The following EPHA6 variants were observed in gnomAD, a reference collection of about 807,000 sequenced individuals.
EPHA6 encodes the protein EPH receptor A6, also known as ephrin type-A receptor 6.
Under a neutral mutation model 112.0 loss-of-function variants are expected in EPHA6, and 50 were observed. That is an observed-to-expected ratio of 0.45 (90% CI 0.36 to 0.56). The LOEUF (loss-of-function observed/expected upper bound fraction) is 0.56. Ranked by LOEUF, EPHA6 falls within the 20% of genes least tolerant of loss-of-function variation. The probability of loss-of-function intolerance (pLI) is 0.00; values close to 1 mark genes in which losing one functional copy is unlikely to be tolerated. For missense variants in EPHA6, 1,280 were observed against 1,417.4 expected (o/e 0.90, Z 1.56); for synonymous variants, 529 against 490.7 (o/e 1.08, Z -1.03).
chr3:96,936,773 C>A (rs1197169232), intron 2 of EPHA6, among the ~76,000 whole-genome samples: 1 of 152,118 alleles, frequency 6.6e-6, no homozygotes, highest in Non-Finnish European at 1.5e-5. Flanking sequence ...TCCGACCCCA[C>A]AACAGTCCCT....
Position 97,750,841 on chromosome 3 carries a change from G to A in EPHA6, c.*2140G>A, listed in dbSNP as rs557597502. 2.4e-4 allele frequency among the ~76,000 whole-genome samples: 37 copies of A among 152,258 alleles called. No homozygotes were observed. The highest frequency in any genetic ancestry group is 8.9e-4 in the African/African-American group (37 of 41,566). On this transcript the variant is annotated 3_prime_UTR_variant, in exon 18 of 18. Coordinates refer to ENST00000389672, the MANE Select transcript of EPHA6 (RefSeq NM_001080448.3). ...ATGTTTCTTAAAATATACAAAAAAAGGTAGGGGGTGATGGGAAAATCATCA... is the reference window on the plus strand; with the variant it reads ...ATGTTTCTTAAAATATACAAAAAAAAGTAGGGGGTGATGGGAAAATCATCA...
Position 97,545,082 on chromosome 3 carries a change from T to C in EPHA6, c.2386+12539T>C, listed in dbSNP as rs576222813. ...TATTTCTTTCAGTTCTGCTCTGATC[T>C]TAGTTATTTCTTGCCTTCTGCTAGC... On this transcript the variant is annotated intron_variant, in intron 11 of 17. Transcript: ENST00000389672. Among the ~76,000 whole-genome samples the C allele has an allele frequency of 2.6e-5, 4 of 152,326 alleles. No homozygotes were observed. In the East Asian group the frequency reaches 7.7e-4, roughly 29 times the overall value.
chr3:96,891,910 T>G (rs534804725), intron 2 of EPHA6, among the ~76,000 whole-genome samples: 1 of 152,280 alleles, frequency 6.6e-6, no homozygotes, highest in Non-Finnish European at 1.5e-5. Context: ...ATTTTTCTCA[T>G]CCATAAACAC....
chr3:97,750,432 C>T lies in EPHA6; in HGVS notation c.*1731C>T, dbSNP rs1351440192. Among the ~76,000 whole-genome samples the T allele has an allele frequency of 6.6e-6, 1 of 151,930 alleles. No individual in the cohort carries two copies. The highest frequency in any genetic ancestry group is 2.4e-5 in the African/African-American group (1 of 41,366). On this transcript the variant is annotated 3_prime_UTR_variant, in exon 18 of 18. Transcript: ENST00000389672. ...AGTGCAATGGTGAGATCTTGGCTCACGGCAACCTCTGCCTCCCGGGTTCAA... is the reference window on the plus strand; with the variant it reads ...AGTGCAATGGTGAGATCTTGGCTCATGGCAACCTCTGCCTCCCGGGTTCAA...
intron 3 of EPHA6, among the ~76,000 whole-genome samples, chr3:97,208,805 T>C (rs566324640): frequency 6.6e-6 from 1 of 152,218 alleles, no homozygotes; most frequent in African/African-American, 2.4e-5. Flanking sequence ...AACATCCATC[T>C]ACTTTTCAAC....
At chr3:97,128,455 T>TA (rs2048242542) in intron 3 of EPHA6, among the ~76,000 whole-genome samples, 2 of 152,180 alleles carry the variant, frequency 1.3e-5, no homozygotes, top group Non-Finnish European at 2.9e-5. Flanking sequence ...TAATACTTGA[T>TA]ATCTAGCTTT....
chr3:97,287,413 C>G lies in EPHA6; in HGVS notation c.1606+43126C>G, dbSNP rs534974472. On this transcript the variant is annotated intron_variant, in intron 5 of 17. Coordinates refer to ENST00000389672, the MANE Select transcript of EPHA6 (RefSeq NM_001080448.3). ...CTGGGAGGCGGAGCTTGCAGTGAGC[C>G]GAGATGGCGCCACTGCACTCCAGCG... is the stretch of plus-strand genomic sequence containing the variant. Among the ~76,000 whole-genome samples, 199 of 151,502 alleles carry G rather than the reference C, an allele frequency of 1.3e-3. 1 individual carries two copies. Among genetic ancestry groups the G allele is most frequent in the African/African-American group, 4.5e-3 (184 of 41,316 alleles).
chr3:97,514,420 A>C (rs6771693), intron 10 of EPHA6, among the ~76,000 whole-genome samples: 94 of 152,248 alleles, frequency 6.2e-4, no homozygotes, highest in African/African-American at 2.1e-3. Flanking sequence ...GATAATCTTC[A>C]TATTTCAGGA....
At chr3:97,248,277 C>G (rs978752862) in intron 5 of EPHA6, among the ~76,000 whole-genome samples, 139 of 152,132 alleles carry the variant, frequency 9.1e-4, no homozygotes, top group African/African-American at 3.1e-3. Flanking sequence ...ATATTTGCAA[C>G]CTTCTGTTTT....
intron 5 of EPHA6, among the ~76,000 whole-genome samples, chr3:97,349,236 G>T (rs1159310696): frequency 6.6e-6 from 1 of 151,848 alleles, no homozygotes; most frequent in Non-Finnish European, 1.5e-5. Context: ...ATTACCTTTA[G>T]TCTTATTTTT....
At chr3:96,982,566 T>G (rs915299483) in intron 2 of EPHA6, among the ~76,000 whole-genome samples, 3 of 152,236 alleles carry the variant, frequency 2.0e-5, no homozygotes, top group African/African-American at 7.2e-5. Context: ...AGATGTCTAT[T>G]AGGTCCGCTT....
intron 16 of EPHA6, among the ~76,000 whole-genome samples, chr3:97,743,307 TATA>T (rs2035584878): frequency 6.6e-6 from 1 of 152,156 alleles, no homozygotes; most frequent in Non-Finnish European, 1.5e-5. Flanking sequence ...AATGAACTCC[TATA>T]ATGTTTTCAG....
chr3:97,165,556 C>T (rs2076522252), intron 3 of EPHA6, among the ~76,000 whole-genome samples: 1 of 152,014 alleles, frequency 6.6e-6, no homozygotes, highest in South Asian at 2.1e-4. Flanking sequence ...AATGTCTGAG[C>T]CTGGTAAAGA....
At chr3:97,204,510 G>A (rs1377113195) in intron 3 of EPHA6, among the ~76,000 whole-genome samples, 1 of 152,072 alleles carries the variant, frequency 6.6e-6, no homozygotes, top group Non-Finnish European at 1.5e-5. Context: ...GTAAGTGGAT[G>A]GGCCAAGATT....
At chr3:97,320,510 G>A (rs1285996441) in intron 5 of EPHA6, among the ~76,000 whole-genome samples, 1 of 151,760 alleles carries the variant, frequency 6.6e-6, no homozygotes, top group African/African-American at 2.4e-5. Flanking sequence ...GAGGGAATGA[G>A]GAATATGATA....
At chr3:97,477,297 A>C (rs2091401374) in intron 8 of EPHA6, among the ~76,000 whole-genome samples, 1 of 147,590 alleles carries the variant, frequency 6.8e-6, no homozygotes. Flanking sequence ...TATAAAAAAT[A>C]AACAAAACCC....
intron 5 of EPHA6, among the ~76,000 whole-genome samples, chr3:97,300,620 A>C (rs114455309): frequency 1.4e-3 from 211 of 152,276 alleles, no homozygotes; most frequent in African/African-American, 5.0e-3. Context: ...CTCATTTTGC[A>C]GTTCTAAATA....
chr3:96,822,844 T>TA (rs1428074086), intron 1 of EPHA6, among the ~76,000 whole-genome samples: 2 of 151,308 alleles, frequency 1.3e-5, no homozygotes, highest in African/African-American at 4.8e-5. Context: ...TTAGGTAGTG[T>TA]ATAGAGTATA....
At chr3:96,910,623 C>T (rs1168843830) in intron 2 of EPHA6, among the ~76,000 whole-genome samples, 2 of 152,018 alleles carry the variant, frequency 1.3e-5, no homozygotes, top group African/African-American at 4.8e-5. Context: ...TGAACTTGGC[C>T]TTTAAACTTG....
Sources: allele counts gnomAD v4.1 joint callset (sites outside exome capture counted in the v4.1 genomes callset), GRCh38; gene constraint gnomAD v4.1.1; transcripts MANE v1.5; gene names NCBI Gene and HGNC (gene_info 2026-07-23, HGNC 2026-07-21).